The following VEPH1 variants were observed in gnomAD, a reference collection of about 807,000 sequenced individuals.
VEPH1 encodes ventricular zone-expressed PH domain-containing protein homolog 1.
In VEPH1, 80 loss-of-function variants were observed where a neutral mutation model predicts 85.2. The observed-to-expected ratio is 0.94, with a 90% CI of 0.78 to 1.13. VEPH1 has a LOEUF of 1.13. Ranked by LOEUF, VEPH1 falls within the 50% of genes most tolerant of loss-of-function variation. The probability of loss-of-function intolerance (pLI) is 0.00; values close to 1 mark genes in which losing one functional copy is unlikely to be tolerated. For synonymous variants in VEPH1, 297 were observed against 348.0 expected (o/e 0.85, Z 1.63); for missense variants, 955 against 980.5 (o/e 0.97, Z 0.35).
chr3:157,355,432 AT>A (rs1180535126), intron 9 of VEPH1, among the ~76,000 whole-genome samples: 3 of 152,192 alleles, frequency 2.0e-5, no homozygotes, highest in Admixed American at 2.0e-4. Flanking sequence ...TCACTAACAA[AT>A]CCCTCAAGTT....
At position 157,381,325 on chromosome 3, in the gene VEPH1, C is replaced by T. The variant is rs377372657; in HGVS notation, c.958G>A (p.Glu320Lys). Residue 320 changes from glutamate (E) to lysine (K), a missense_variant, in exon 7 of 14, where the codon GAG becomes AAG. By Grantham distance (56) the Glu-to-Lys change is moderately conservative (BLOSUM62 1). Transcript: ENST00000362010. ...TYLVSQLANM[E>K]HSFHHILLLE... ...AGGAGAATATGGTGAAACGAATGCT[C>T]CATGTTGGCCAGTTGGCTCACCAGG... The T allele has an allele frequency of 3.3e-5, 53 of 1,614,076 alleles. No homozygotes were observed. Among genetic ancestry groups the T allele is most frequent in the Non-Finnish European group, 4.4e-5 (52 of 1,180,046 alleles).
chr3:157,281,001 G>C (rs1036633663), intron 12 of VEPH1, among the ~76,000 whole-genome samples: 1 of 152,132 alleles, frequency 6.6e-6, no homozygotes, highest in African/African-American at 2.4e-5. Context: ...GTGCAATACA[G>C]AAGTGTAGGC....
intron 7 of VEPH1, among the ~76,000 whole-genome samples, chr3:157,378,686 G>C (rs1037820419): frequency 6.6e-6 from 1 of 152,132 alleles, no homozygotes; most frequent in Admixed American, 6.5e-5. Flanking sequence ...TCTGTGAATA[G>C]TTATTGACTT....
At chr3:157,407,496 A>G (rs73156793) in intron 6 of VEPH1, among the ~76,000 whole-genome samples, 10,459 of 152,252 alleles carry the variant, frequency 0.069, 456 homozygotes, top group East Asian at 0.12. Flanking sequence ...AGGAATAAAA[A>G]TTTACATACA....
intron 7 of VEPH1, among the ~76,000 whole-genome samples, chr3:157,366,259 T>G (rs1419456360): frequency 6.6e-6 from 1 of 152,210 alleles, no homozygotes. Context: ...GGTTTGTCTG[T>G]GTGCATTTAC....
chr3:157,294,085 T>C (rs936984432), intron 11 of VEPH1, among the ~76,000 whole-genome samples: 12 of 152,232 alleles, frequency 7.9e-5, no homozygotes, highest in African/African-American at 2.9e-4. Context: ...TTGTTAAATC[T>C]ATTTGTGGTA....
intron 9 of VEPH1, among the ~76,000 whole-genome samples, chr3:157,346,572 T>C (rs144688976): frequency 4.7e-4 from 72 of 152,274 alleles, no homozygotes; most frequent in African/African-American, 1.6e-3. Context: ...TTTTACTTCT[T>C]GTTTTGGAAA....
intron 9 of VEPH1, among the ~76,000 whole-genome samples, chr3:157,345,961 T>C (rs1248473820): frequency 6.8e-6 from 1 of 147,912 alleles, no homozygotes; most frequent in Non-Finnish European, 1.5e-5. Flanking sequence ...TTCTCACTCA[T>C]AGGTGGGAAT....
At chr3:157,477,204 T>TTA (rs1737560606) in intron 2 of VEPH1, among the ~76,000 whole-genome samples, 1 of 151,578 alleles carries the variant, frequency 6.6e-6, no homozygotes, top group African/African-American at 2.4e-5. Flanking sequence ...TTTTTTTTTT[T>TTA]AATCTGTTCT....
chr3:157,286,484 A>T, intron 12 of VEPH1, 73 bp downstream of exon 12: 1 of 1,207,764 alleles, frequency 8.3e-7, no homozygotes. Flanking sequence ...AAGGCCACCT[A>T]GAAAAATGGA....
intron 6 of VEPH1, chr3:157,413,430 T>C: frequency 2.0e-6 from 2 of 979,806 alleles, no homozygotes; most frequent in Non-Finnish European, 2.4e-6. Flanking sequence ...GGGTAGTCTA[T>C]GAAATCTAAT....
chr3:157,453,457 A>C (rs999988792), intron 4 of VEPH1, among the ~76,000 whole-genome samples: 1 of 152,206 alleles, frequency 6.6e-6, no homozygotes, highest in Admixed American at 6.5e-5. Flanking sequence ...TAAATGGCTT[A>C]ATACAGTACC....
At chr3:157,386,238 A>T (rs927172190) in intron 6 of VEPH1, among the ~76,000 whole-genome samples, 1 of 110,368 alleles carries the variant, frequency 9.1e-6, no homozygotes, top group African/African-American at 3.8e-5. Flanking sequence ...ACTTCAAGTA[A>T]AAATGGTTCC....
chr3:157,477,602 C>T (rs935233770), intron 2 of VEPH1, among the ~76,000 whole-genome samples: 18 of 152,012 alleles, frequency 1.2e-4, no homozygotes, highest in African/African-American at 4.1e-4. Context: ...CTTTTTTATC[C>T]CATGTTAATG....
chr3:157,447,536 T>A (rs1179637703), intron 4 of VEPH1, among the ~76,000 whole-genome samples: 7 of 152,162 alleles, frequency 4.6e-5, no homozygotes, highest in Non-Finnish European at 1.0e-4. Flanking sequence ...TTTTTAATGG[T>A]TAAGCATTTC....
chr3:157,356,366 A>T (rs1283950982), intron 9 of VEPH1, among the ~76,000 whole-genome samples: 4 of 151,480 alleles, frequency 2.6e-5, no homozygotes, highest in African/African-American at 4.8e-5. Context: ...AGACTCTGTC[A>T]GCTTTGGACT....
intron 4 of VEPH1, among the ~76,000 whole-genome samples, chr3:157,453,662 A>G (rs1224909477): frequency 6.6e-6 from 1 of 152,218 alleles, no homozygotes; most frequent in Non-Finnish European, 1.5e-5. Flanking sequence ...ATGAAAAAAG[A>G]AACCCCATGA....
At chr3:157,426,289 C>CA (rs2109104764) in intron 5 of VEPH1, among the ~76,000 whole-genome samples, 1 of 152,164 alleles carries the variant, frequency 6.6e-6, no homozygotes, top group East Asian at 1.9e-4. Flanking sequence ...AGCATGCATC[C>CA]AAAACAGACA....
rs757829713 is a variant in VEPH1 at position 157,261,163 on chromosome 3, C to T, written c.2473G>A (p.Glu825Lys). The T allele has an allele frequency of 6.2e-7, 1 of 1,613,746 alleles. No individual in the cohort carries two copies. The change falls in exon 14 of 14, where the codon GAA becomes AAA. Residue 825 changes from glutamate (E) to lysine (K), a missense_variant. Glu to Lys is a moderately conservative substitution (Grantham distance 56). Transcript: ENST00000362010. ...NVAVAQAKER[E>K]SREVTTYL Reference sequence around the variant, plus strand: ...AGATATGTGGTTACTTCTCTACTTTCCCTTTCTTTGGCTTGGGCAACTGCC... The same window carrying T: ...AGATATGTGGTTACTTCTCTACTTTTCCTTTCTTTGGCTTGGGCAACTGCC...
Sources: gnomAD v4.1 joint callset for allele counts (sites outside exome capture counted in the v4.1 genomes callset) on GRCh38, gnomAD v4.1.1 for gene constraint, MANE v1.5 for transcripts, NCBI Gene and HGNC (gene_info 2026-07-23, HGNC 2026-07-21) for gene names.